Variants in CSMD1 observed in about 807,000 individuals in gnomAD.
CSMD1 encodes the protein CUB and sushi domain-containing protein 1.
In CSMD1, 213 loss-of-function variants were observed where a neutral mutation model predicts 417.5. That is an observed-to-expected ratio of 0.51 (90% CI 0.46 to 0.57). The LOEUF is 0.57. Among genes scored for constraint, CSMD1 ranks in the 20% least tolerant of loss-of-function variants. The probability of loss-of-function intolerance (pLI) is 0.00; values close to 1 mark genes in which losing one functional copy is unlikely to be tolerated. For missense variants in CSMD1, 6,923 were observed against 4,529.7 expected, an observed-to-expected ratio of 1.53 and a Z score of -15.17; for synonymous variants, 2,862 against 1,736.8, an observed-to-expected ratio of 1.65 and a Z score of -16.11.
chr8:4,230,459 A>T (rs1229958119), intron 3 of CSMD1, among the ~76,000 whole-genome samples: 1 of 152,176 alleles, frequency 6.6e-6, no homozygotes, highest in Non-Finnish European at 1.5e-5. Context: ...ATTATATCCC[A>T]ATCAATAACT....
Position 4,414,191 on chromosome 8 carries a change from T to G in CSMD1, c.415+5762A>C, listed in dbSNP as rs76785188. Among the ~76,000 whole-genome samples the G allele has an allele frequency of 8.3e-3, 1,258 of 152,296 alleles. 14 individuals carry two copies. Among genetic ancestry groups the G allele is most frequent in the African/African-American group, 0.028 (1,153 of 41,554 alleles). The stretch of plus-strand genomic sequence containing the variant: ...AGAGTAATAATCTAGCTGCTCTTTC[T>G]AAATCCAGATCCACAGGTGTTAAAG... On this transcript the variant is annotated intron_variant, in intron 3 of 69. Coordinates refer to ENST00000635120, the MANE Select transcript of CSMD1 (RefSeq NM_033225.6).
intron 68 of CSMD1, among the ~76,000 whole-genome samples, chr8:2,947,963 A>G (rs1205271467): frequency 6.6e-6 from 1 of 150,682 alleles, no homozygotes; most frequent in Admixed American, 6.7e-5. Flanking sequence ...AGGCCAGTAG[A>G]CTTTTTTTAT....
chr8:2,991,097 C>A (rs1399246043), intron 54 of CSMD1, among the ~76,000 whole-genome samples: 1 of 152,186 alleles, frequency 6.6e-6, no homozygotes, highest in African/African-American at 2.4e-5. Flanking sequence ...CAATATACAT[C>A]ATCTAAAAGG....
Position 3,630,730 on chromosome 8 carries a change from T to A in CSMD1, c.1010-13933A>T, listed in dbSNP as rs202032655. 2.2e-4 allele frequency among the ~76,000 whole-genome samples: 17 copies of A among 78,724 alleles called. No individual in the cohort carries two copies. The South Asian group carries it at 4.9e-3, about 22-fold the overall frequency. The allele number at this position is 78,724 out of a possible 152,430, so 51.6% of individuals were successfully genotyped here. A position where few individuals can be genotyped will look rare whatever the true frequency, so the allele number is the denominator to read the frequency against. On this transcript the variant is annotated intron_variant, in intron 7 of 69. Coordinates refer to ENST00000635120, the MANE Select transcript of CSMD1 (RefSeq NM_033225.6). ...AAGAATTGAGGGAAATGGAGTTGCC[T>A]CTCTGAAGCCACTGAGCCAACGGTG... is the stretch of plus-strand genomic sequence containing the variant.
chr8:3,281,881 G>C (rs1563221391), intron 26 of CSMD1, among the ~76,000 whole-genome samples: 1 of 152,166 alleles, frequency 6.6e-6, no homozygotes, highest in South Asian at 2.1e-4. Flanking sequence ...TAATGGTTTA[G>C]TACCATCCCC....
intron 1 of CSMD1, among the ~76,000 whole-genome samples, chr8:4,760,706 T>C (rs971787384): frequency 1.3e-5 from 2 of 152,196 alleles, no homozygotes; most frequent in Non-Finnish European, 2.9e-5. Flanking sequence ...TTTACTCTAA[T>C]AAAAGGTGTA....
chr8:4,809,260 T>C (rs1798766227), intron 1 of CSMD1, among the ~76,000 whole-genome samples: 1 of 152,208 alleles, frequency 6.6e-6, no homozygotes, highest in African/African-American at 2.4e-5. Flanking sequence ...ATACTTCTAA[T>C]GAAGGGCAAT....
chr8:3,453,878 T>C (rs1181076578), intron 12 of CSMD1, among the ~76,000 whole-genome samples: 1 of 152,216 alleles, frequency 6.6e-6, no homozygotes, highest in East Asian at 1.9e-4. Flanking sequence ...GTTAACTTTC[T>C]GTCTTGTTGA....
rs113283571 is a variant in CSMD1, at chr8:4,807,381, A to C, written c.86-169823T>G. On this transcript the variant is annotated intron_variant, in intron 1 of 69. Coordinates refer to ENST00000635120, the MANE Select transcript of CSMD1 (RefSeq NM_033225.6). ...GGCAGTACTCTCCTGAGCTTCCCTC[A>C]CTGCCGGGTGGGAAACGTGCTCCAG... 4.3e-3 allele frequency among the ~76,000 whole-genome samples: 655 copies of C among 152,272 alleles called. 5 individuals are homozygous for C. The highest frequency in any genetic ancestry group is 0.017 in the Middle Eastern group (5 of 294).
chr8:4,284,358 A>C, intron 3 of CSMD1, among the ~76,000 whole-genome samples: 2 of 151,418 alleles, frequency 1.3e-5, no homozygotes, highest in Non-Finnish European at 1.5e-5. Context: ...ACAAGAGAGA[A>C]ACTACAACCC....
chr8:3,813,438 T>G (rs965916215), intron 5 of CSMD1, among the ~76,000 whole-genome samples: 4 of 152,164 alleles, frequency 2.6e-5, no homozygotes, highest in East Asian at 3.9e-4. Context: ...CTATTTTAAT[T>G]AAGTCTATAA....
chr8:4,340,545 G>C (rs1800416344), intron 3 of CSMD1, among the ~76,000 whole-genome samples: 1 of 152,062 alleles, frequency 6.6e-6, no homozygotes, highest in East Asian at 1.9e-4. Flanking sequence ...AATCAAAGCA[G>C]GATTGTCCAA....
chr8:3,829,031 A>ATT (rs1476800839), intron 5 of CSMD1, among the ~76,000 whole-genome samples: 1 of 150,330 alleles, frequency 6.7e-6, no homozygotes, highest in Non-Finnish European at 1.5e-5. Flanking sequence ...TTTTTTTAAA[A>ATT]AAATGTATTT....
At chr8:3,622,414 A>T (rs2117202564) in intron 7 of CSMD1, among the ~76,000 whole-genome samples, 1 of 152,330 alleles carries the variant, frequency 6.6e-6, no homozygotes, top group Middle Eastern at 3.4e-3. Flanking sequence ...ACAACACACC[A>T]AGGCTTACAA....
At chr8:4,351,286 T>G (rs919530047) in intron 3 of CSMD1, among the ~76,000 whole-genome samples, 3 of 152,236 alleles carry the variant, frequency 2.0e-5, no homozygotes, top group Non-Finnish European at 2.9e-5. Flanking sequence ...GTATCTTTCC[T>G]AACAAGAGAT....
intron 5 of CSMD1, among the ~76,000 whole-genome samples, chr8:3,800,329 A>G (rs938234658): frequency 2.0e-5 from 3 of 152,150 alleles, no homozygotes; most frequent in African/African-American, 7.2e-5. Flanking sequence ...TTAATTTTAT[A>G]ATATGTCAAA....
chr8:4,450,967 G>T (rs77461908), intron 2 of CSMD1, among the ~76,000 whole-genome samples: 12 of 152,028 alleles, frequency 7.9e-5, no homozygotes, highest in African/African-American at 2.2e-4. Context: ...CTACAGTAAC[G>T]TATTATATTT....
chr8:3,584,538 A>C (rs202086802), intron 9 of CSMD1, among the ~76,000 whole-genome samples: 8 of 71,678 alleles, frequency 1.1e-4, no homozygotes, highest in Admixed American at 1.1e-3. Flanking sequence ...AGCACCTCTG[A>C]GTGTGTGATA....
At chr8:3,949,509 A>G (rs1337616582) in intron 5 of CSMD1, among the ~76,000 whole-genome samples, 1 of 152,186 alleles carries the variant, frequency 6.6e-6, no homozygotes, top group Non-Finnish European at 1.5e-5. Flanking sequence ...TTACACTGTC[A>G]GGAGCAAAGA....
Sources: allele counts gnomAD v4.1 joint callset (sites outside exome capture counted in the v4.1 genomes callset), GRCh38; gene constraint gnomAD v4.1.1; transcripts MANE v1.5; gene names NCBI Gene and HGNC (gene_info 2026-07-23, HGNC 2026-07-21).